Variants in A2M observed in about 807,000 individuals in gnomAD.
The protein encoded by A2M is alpha-2-macroglobulin.
A neutral mutation model predicts 183.9 loss-of-function variants in A2M; 128 were observed. The ratio of observed to expected loss-of-function variants is 0.70; its 90% CI spans 0.60 to 0.81. A2M has a LOEUF of 0.81. Among genes scored for constraint, A2M ranks in the 30% least tolerant of loss-of-function variants. The probability of loss-of-function intolerance (pLI) is 0.00; values close to 1 mark genes in which losing one functional copy is unlikely to be tolerated. For synonymous variants in A2M, 592 were observed against 670.8 expected (o/e 0.88, Z 1.81); for missense variants, 1,495 against 1,787.6 (o/e 0.84, Z 2.95).
At chr12:9,113,852 T>A (rs896801255) in intron 1 of A2M, among the ~76,000 whole-genome samples, 1 of 152,270 alleles carries the variant, frequency 6.6e-6, no homozygotes, top group African/African-American at 2.4e-5. Flanking sequence ...CATTTGTTCA[T>A]GTTGTAAAAT....
At chr12:9,095,459 G>T in intron 16 of A2M, 80 bp downstream of exon 16, 2 of 1,348,138 alleles carry the variant, frequency 1.5e-6, no homozygotes, top group Non-Finnish European at 1.0e-6. Context: ...GGACATGAAG[G>T]CATTCAAATA....
chr12:9,115,576 A>G (rs1592403438), intron 1 of A2M, 188 bp downstream of exon 1: 2 of 546,362 alleles, frequency 3.7e-6, no homozygotes, highest in East Asian at 3.2e-5. Flanking sequence ...TTAGAGCTTC[A>G]GAGAGTTGGG....
At chr12:9,099,605 G>A in intron 13 of A2M, 82 bp from the exon 14 acceptor site, 2 of 1,460,368 alleles carry the variant, frequency 1.4e-6, no homozygotes, top group Non-Finnish European at 1.8e-6. Flanking sequence ...ATAATAAACA[G>A]TAGATGTAAC....
rs750530590 is a variant in A2M, at chr12:9,109,924, C to G, written c.616G>C (p.Val206Leu). The G allele has an allele frequency of 3.1e-6, 5 of 1,613,752 alleles. No homozygotes were observed. Among genetic ancestry groups the G allele is most frequent in the Non-Finnish European group, 3.4e-6 (4 of 1,179,838 alleles). ...CTTCCACCTGATTTCTTCTGTACCA[C>G]CACCTTGTAGGAGCCCTGGAAGGGC... Reference protein sequence around the residue: ...SEPFQGSYKVVVQKKSGGRTE... With the variant: ...SEPFQGSYKVLVQKKSGGRTE... The change falls in exon 6 of 36, where the codon GTG (valine) becomes CTG (leucine). Residue 206 changes from valine to leucine, a missense_variant. Val to Leu is a conservative substitution (Grantham distance 32). Transcript: ENST00000318602.
chr12:9,085,668 TAAATC>T (rs1227229840), intron 22 of A2M, among the ~76,000 whole-genome samples: 6 of 151,260 alleles, frequency 4.0e-5, no homozygotes, highest in Admixed American at 6.6e-5. Context: ...AGAGCAGAAA[TAAATC>T]AAATAGAGAC....
intron 10 of A2M, among the ~76,000 whole-genome samples, 186 bp downstream of exon 10, chr12:9,106,050 A>G (rs939669716): frequency 1.3e-5 from 2 of 152,256 alleles, no homozygotes; most frequent in Admixed American, 6.5e-5. Flanking sequence ...AAATTTACAG[A>G]AGAATAAATC....
At chr12:9,080,657 A>G (rs1000046307) in intron 22 of A2M, among the ~76,000 whole-genome samples, 12 of 152,222 alleles carry the variant, frequency 7.9e-5, no homozygotes, top group Admixed American at 6.5e-4. Flanking sequence ...TTCATATACA[A>G]AGATAGTATT....
rs566571140 is a variant in A2M at position 9,097,095 on chromosome 12, G to C, written c.1852-1395C>G. 2.7e-3 allele frequency among the ~76,000 whole-genome samples: 406 copies of C among 151,952 alleles called. 5 individuals are homozygous for C. Among genetic ancestry groups the C allele is most frequent in the South Asian group, 0.021 (103 of 4,802 alleles). On this transcript the variant is annotated intron_variant, in intron 15 of 35. Coordinates refer to ENST00000318602, the MANE Select transcript of A2M (RefSeq NM_000014.6). ...ACTGTCTGCCTTATCTACCCATCAG[G>C]GTTGTTATAATTTGAAAAATTCTTT...
At chr12:9,112,930 A>G (rs1222982510) in intron 2 of A2M, among the ~76,000 whole-genome samples, 3 of 152,180 alleles carry the variant, frequency 2.0e-5, no homozygotes. Context: ...TCACATGTGG[A>G]CAACTCTGAA....
chr12:9,096,600 G>A (rs1214411692), intron 15 of A2M, among the ~76,000 whole-genome samples: 1 of 152,188 alleles, frequency 6.6e-6, no homozygotes, highest in African/African-American at 2.4e-5. Flanking sequence ...ATGCTTTCAA[G>A]TCCATTTGAA....
intron 35 of A2M, 156 bp downstream of exon 35, chr12:9,068,027 G>A (rs764754668): frequency 1.6e-5 from 16 of 982,080 alleles, no homozygotes; most frequent in South Asian, 4.5e-5. Flanking sequence ...CAGAGTCAGC[G>A]GCCCTCTCCA....
intron 7 of A2M, among the ~76,000 whole-genome samples, chr12:9,109,094 CT>C (rs1938528942): frequency 6.6e-6 from 1 of 152,078 alleles, no homozygotes; most frequent in African/African-American, 2.4e-5. Flanking sequence ...AGCATAACCT[CT>C]CTAGAAACAG....
At chr12:9,098,138 C>T (rs1317583233) in intron 15 of A2M, among the ~76,000 whole-genome samples, 1 of 152,156 alleles carries the variant, frequency 6.6e-6, no homozygotes, top group Non-Finnish European at 1.5e-5. Context: ...CGAACGGCTT[C>T]CCCGGTTGCT....
At position 9,077,338 on chromosome 12, in the gene A2M, G is replaced by T. The variant is rs1213921811; in HGVS notation, c.3351+8C>A. 6.2e-7 allele frequency: 1 copy of T among 1,610,896 alleles called. No individual in the cohort carries two copies. The highest frequency in any genetic ancestry group is 2.2e-5 in the East Asian group (1 of 44,852). Reference sequence around the variant, plus strand: ...TCTCCTTCAGCAGAGGAATGGGGTGGTACCTACAGTGACTGTGAGAGGAAT... The same window carrying T: ...TCTCCTTCAGCAGAGGAATGGGGTGTTACCTACAGTGACTGTGAGAGGAAT... On this transcript the variant is annotated splice_region_variant and intron_variant, in intron 27 of 35. Transcript: ENST00000318602.
intron 17 of A2M, among the ~76,000 whole-genome samples, 200 bp from the exon 18 acceptor site, chr12:9,093,779 G>A (rs1260964722): frequency 6.6e-6 from 1 of 152,172 alleles, no homozygotes; most frequent in Middle Eastern, 3.4e-3. Context: ...AGCCAGGAGA[G>A]GCCGGGCGCG....
At chr12:9,070,453 T>TA (rs1435070373) in intron 32 of A2M, 35 bp downstream of exon 32, 1 of 1,426,636 alleles carries the variant, frequency 7.0e-7, no homozygotes, top group Admixed American at 1.7e-5. Context: ...CATCATTAAA[T>TA]AAAATAGGGC....
intron 23 of A2M, 93 bp from the exon 24 acceptor site, chr12:9,079,908 G>A (rs1948859266): frequency 7.8e-7 from 1 of 1,275,702 alleles, no homozygotes; most frequent in East Asian, 2.6e-5. Context: ...CTTAGAAATT[G>A]AGAATTTTTA....
intron 17 of A2M, among the ~76,000 whole-genome samples, 153 bp from the exon 18 acceptor site, chr12:9,093,732 G>A (rs1949282765): frequency 1.3e-5 from 2 of 152,088 alleles, no homozygotes; most frequent in Admixed American, 1.3e-4. Context: ...ATCAAGGAAA[G>A]CTTCTTTGAG....
rs763603388 is a variant in A2M, at chr12:9,102,377, G to A, written c.1267-703C>T. ...CTACAGGTGCATGCCACCCCACCCA[G>A]CTAATTTTTTGTATATTTTGTAGAG... On this transcript the variant is annotated intron_variant, in intron 11 of 35. Transcript: ENST00000318602. Among the ~76,000 whole-genome samples, 136 of 152,046 alleles carry A rather than the reference G, an allele frequency of 8.9e-4. 1 individual carries two copies. Among genetic ancestry groups the A allele is most frequent in the Non-Finnish European group, 2.6e-4 (18 of 68,006 alleles).
Sources: allele counts gnomAD v4.1 joint callset (sites outside exome capture counted in the v4.1 genomes callset), GRCh38; gene constraint gnomAD v4.1.1; transcripts MANE v1.5; gene names NCBI Gene and HGNC (gene_info 2026-07-23, HGNC 2026-07-21).